Variants in RASAL2 observed in about 807,000 individuals in gnomAD.
RASAL2 encodes the protein ras GTPase-activating protein nGAP.
A neutral mutation model predicts 128.9 loss-of-function variants in RASAL2; 58 were observed. The observed-to-expected ratio is 0.45, with a 90% CI of 0.36 to 0.56. RASAL2 has a LOEUF of 0.56. RASAL2 is among the 20% of genes least tolerant of loss of function. The probability of loss-of-function intolerance (pLI) is 0.00; values close to 1 mark genes in which losing one functional copy is unlikely to be tolerated. For missense variants in RASAL2, 1,360 were observed against 1,601.6 expected, an observed-to-expected ratio of 0.85 and a Z score of 2.57; for synonymous variants, 561 against 580.8, an observed-to-expected ratio of 0.97 and a Z score of 0.49.
intron 1 of RASAL2, among the ~76,000 whole-genome samples, chr1:178,178,619 G>A (rs970589327): frequency 6.6e-6 from 1 of 151,966 alleles, no homozygotes; most frequent in Non-Finnish European, 1.5e-5. Context: ...TTTCTCCTTC[G>A]CAGTGCTTTT....
intron 1 of RASAL2, among the ~76,000 whole-genome samples, chr1:178,217,100 C>T (rs913777891): frequency 5.9e-5 from 9 of 152,074 alleles, no homozygotes; most frequent in Non-Finnish European, 1.2e-4. Context: ...CTCAGCCCAC[C>T]GAGTAGCTGG....
chr1:178,418,309 GA>G (rs2102738278), intron 4 of RASAL2, among the ~76,000 whole-genome samples: 1 of 152,184 alleles, frequency 6.6e-6, no homozygotes, highest in South Asian at 2.1e-4. Context: ...GTAAACTAGA[GA>G]AAAGAAAGTG....
intron 1 of RASAL2, among the ~76,000 whole-genome samples, chr1:178,211,001 A>G (rs1037670158): frequency 3.3e-5 from 5 of 152,192 alleles, no homozygotes; most frequent in Non-Finnish European, 7.3e-5. Context: ...CCGGTCTAAC[A>G]TGGGCTAAAG....
chr1:178,393,702 A>G (rs1030968845), intron 4 of RASAL2, among the ~76,000 whole-genome samples: 14 of 152,116 alleles, frequency 9.2e-5, no homozygotes, highest in Non-Finnish European at 1.6e-4. Flanking sequence ...CGTAATTCCA[A>G]TTGCAATTAT....
In RASAL2 at chr1:178,300,642, C is replaced by T. The variant is rs561685055; in HGVS notation, c.457+524C>T. On this transcript the variant is annotated intron_variant, in intron 3 of 17. Coordinates refer to ENST00000367649, the MANE Select transcript of RASAL2 (RefSeq NM_170692.4). ...TGACAAAAGGGAGAAATCCTACTTC[C>T]ATTTTTCCAGTAAGGTTACTAAAGA... Among the ~76,000 whole-genome samples, 8 of 152,192 alleles carry T rather than the reference C, an allele frequency of 5.3e-5. No individual in the cohort carries two copies. In the South Asian group the frequency reaches 6.2e-4, roughly 12 times the overall value.
At chr1:178,311,854 AG>A (rs2102304858) in intron 3 of RASAL2, among the ~76,000 whole-genome samples, 1 of 152,242 alleles carries the variant, frequency 6.6e-6, no homozygotes, top group African/African-American at 2.4e-5. Context: ...AAAAGAAAAA[AG>A]GGAAAAAACA....
intron 4 of RASAL2, among the ~76,000 whole-genome samples, chr1:178,393,066 G>A (rs371666378): frequency 2.0e-5 from 3 of 152,264 alleles, no homozygotes; most frequent in African/African-American, 7.2e-5. Context: ...ATATTTAAAT[G>A]TATTTGTACT....
chr1:178,107,740 T>C (rs114368245), intron 1 of RASAL2, among the ~76,000 whole-genome samples: 187 of 152,314 alleles, frequency 1.2e-3, no homozygotes, highest in African/African-American at 4.4e-3. Context: ...GTCTGACTTA[T>C]TCACTAAGCA....
At chr1:178,343,630 G>A (rs1273823300) in intron 3 of RASAL2, among the ~76,000 whole-genome samples, 1 of 152,018 alleles carries the variant, frequency 6.6e-6, no homozygotes, top group Admixed American at 6.6e-5. Flanking sequence ...TCTATTGCTG[G>A]TATTTTACTG....
At chr1:178,336,645 A>G (rs1206750443) in intron 3 of RASAL2, among the ~76,000 whole-genome samples, 2 of 151,646 alleles carry the variant, frequency 1.3e-5, no homozygotes, top group African/African-American at 4.8e-5. Context: ...GTATGTATGT[A>G]TAACTAAATA....
At chr1:178,277,102 C>T (rs4408115) in intron 1 of RASAL2, among the ~76,000 whole-genome samples, 7,217 of 143,370 alleles carry the variant, frequency 0.05, 249 homozygotes, top group African/African-American at 0.1. Flanking sequence ...GAGCTGAGAT[C>T]GCGCCACTGC....
intron 2 of RASAL2, among the ~76,000 whole-genome samples, chr1:178,297,212 A>G (rs901701440): frequency 6.6e-6 from 1 of 152,146 alleles, no homozygotes; most frequent in Non-Finnish European, 1.5e-5. Context: ...GCTATATGCT[A>G]AGATTTGTAT....
At chr1:178,144,333 G>A (rs1008367455) in intron 1 of RASAL2, among the ~76,000 whole-genome samples, 1 of 152,134 alleles carries the variant, frequency 6.6e-6, no homozygotes, top group East Asian at 1.9e-4. Flanking sequence ...AAAACATTCT[G>A]TGGAATGAGT....
intron 4 of RASAL2, among the ~76,000 whole-genome samples, chr1:178,415,665 G>A (rs771375682): frequency 6.6e-6 from 1 of 152,128 alleles, no homozygotes; most frequent in South Asian, 2.1e-4. Context: ...ATAGATAGGT[G>A]TGTAGTCTTC....
At chr1:178,444,358 T>A (rs954076582) in intron 8 of RASAL2, among the ~76,000 whole-genome samples, 1 of 152,120 alleles carries the variant, frequency 6.6e-6, no homozygotes, top group South Asian at 2.1e-4. Context: ...CCCCCAAGAG[T>A]TTCCTCCTGT....
chr1:178,230,707 G>A (rs1663971003), intron 1 of RASAL2, among the ~76,000 whole-genome samples: 1 of 152,146 alleles, frequency 6.6e-6, no homozygotes, highest in Non-Finnish European at 1.5e-5. Flanking sequence ...TTATTAAAAA[G>A]CTTTAGAGCA....
chr1:178,324,175 C>T (rs187925451), intron 3 of RASAL2, among the ~76,000 whole-genome samples: 42 of 152,264 alleles, frequency 2.8e-4, no homozygotes, highest in African/African-American at 8.9e-4. Context: ...AACTTCAGTT[C>T]GCTCTGACTC....
In RASAL2 at chr1:178,253,704, G is replaced by A. The variant is rs1665168722; in HGVS notation, c.203-29860G>A. On this transcript the variant is annotated intron_variant, in intron 1 of 17. Transcript: ENST00000367649. ...GTGGGGGTCACAAGGTGCTCATTGG[G>A]GGAGCTTTCTGAGCCAGGATGAGCC... Among the ~76,000 whole-genome samples the A allele has an allele frequency of 2.0e-5, 3 of 152,254 alleles. No individual in the cohort carries two copies. In the South Asian group the frequency reaches 6.2e-4, roughly 32 times the overall value.
intron 1 of RASAL2, among the ~76,000 whole-genome samples, chr1:178,277,493 T>C (rs1240678239): frequency 6.6e-6 from 1 of 152,264 alleles, no homozygotes; most frequent in East Asian, 1.9e-4. Context: ...GTGATCACTT[T>C]AATTCTTAGC....
Sources: gnomAD v4.1 joint callset for allele counts (sites outside exome capture counted in the v4.1 genomes callset) on GRCh38, gnomAD v4.1.1 for gene constraint, MANE v1.5 for transcripts, NCBI Gene and HGNC (gene_info 2026-07-23, HGNC 2026-07-21) for gene names.